The following AMOTL2 variants were observed in gnomAD, a reference collection of about 807,000 sequenced individuals.
AMOTL2 encodes the protein angiomotin-like protein 2.
Under a neutral mutation model 78.4 loss-of-function variants are expected in AMOTL2, and 33 were observed. The observed-to-expected ratio is 0.42, with a 90% CI of 0.32 to 0.56. The LOEUF is 0.56. Ranked by LOEUF, AMOTL2 falls within the 20% of genes least tolerant of loss-of-function variation. AMOTL2 has a pLI of 0.12. For missense variants in AMOTL2, 983 were observed against 1,030.1 expected (o/e 0.95, Z 0.63); for synonymous variants, 422 against 428.8 (o/e 0.98, Z 0.20).
At chr3:134,362,351 G>A (rs956738524) in intron 5 of AMOTL2, among the ~76,000 whole-genome samples, 17 of 152,288 alleles carry the variant, frequency 1.1e-4, no homozygotes, top group African/African-American at 3.8e-4. Context: ...GAGGATTTGG[G>A]ATCCCCAACT....
intron 4 of AMOTL2, 152 bp from the exon 5 acceptor site, chr3:134,366,061 A>C: frequency 9.5e-7 from 1 of 1,054,708 alleles, no homozygotes; most frequent in East Asian, 2.4e-5. Flanking sequence ...CATGGGTGGG[A>C]GCCTCCTCTG....
intron 1 of AMOTL2, among the ~76,000 whole-genome samples, chr3:134,372,530 A>AACACACACACACACAC (rs58443336): frequency 0.044 from 6,412 of 144,328 alleles, 176 homozygotes; most frequent in South Asian, 0.087. Flanking sequence ...TATCCTCCCC[A>AACACACACACACACAC]ACACACACAC....
intron 6 of AMOTL2, among the ~76,000 whole-genome samples, chr3:134,361,238 C>T (rs957620313): frequency 6.6e-6 from 1 of 152,142 alleles, no homozygotes; most frequent in Non-Finnish European, 1.5e-5. Flanking sequence ...AGGTCAAGGA[C>T]AACTAGCCCT....
chr3:134,357,834 T>G (rs1180153733), intron 9 of AMOTL2, 71 bp from the exon 10 acceptor site: 8 of 1,496,532 alleles, frequency 5.3e-6, no homozygotes, highest in Non-Finnish European at 7.5e-6. Flanking sequence ...CCTGGCACAT[T>G]TGAAAGACAA....
chr3:134,368,044 C>A (rs1576584650), intron 2 of AMOTL2, among the ~76,000 whole-genome samples: 2 of 152,166 alleles, frequency 1.3e-5, no homozygotes, highest in East Asian at 3.8e-4. Flanking sequence ...GACAGCAGGG[C>A]TAGAGGGGAT....
chr3:134,367,557 G>T lies in AMOTL2; in HGVS notation c.981C>A (p.Asp327Glu). 5 of 1,613,282 alleles carry T rather than the reference G, an allele frequency of 3.1e-6. No individual in the cohort carries two copies. Among genetic ancestry groups the T allele is most frequent in the Middle Eastern group, 1.8e-4 (1 of 5,418 alleles). Residue 327 changes from aspartate to glutamate, a missense_variant, in exon 3 of 10, where the codon GAC (aspartate) becomes GAA (glutamate). By Grantham distance (45) the Asp-to-Glu change is conservative. Transcript: ENST00000249883. ...CCAGCTCCCTCTGCAGCCGCTCATTGTCTCTCTGCAGCCTGGCATTCTCCC... is the reference window on the plus strand; with the variant it reads ...CCAGCTCCCTCTGCAGCCGCTCATTTTCTCTCTGCAGCCTGGCATTCTCCC... ...VLRENARLQR[D>E]NERLQRELES...
chr3:134,371,643 A>G (rs979574179), intron 1 of AMOTL2, 149 bp from the exon 2 acceptor site: 50 of 1,299,634 alleles, frequency 3.8e-5, no homozygotes, highest in Non-Finnish European at 8.2e-6. Context: ...GCCTGGGTTC[A>G]AGTACCAGTG....
At position 134,371,246 on chromosome 3, in the gene AMOTL2, C is replaced by T. The variant is rs2017848425; in HGVS notation, c.188G>A (p.Ser63Asn). The change falls in exon 2 of 10, where the codon AGT becomes AAT. Residue 63 changes from serine (S) to asparagine (N), a missense_variant. Ser to Asn is a conservative substitution (Grantham distance 46, BLOSUM62 1). Coordinates refer to ENST00000249883, the MANE Select transcript of AMOTL2 (RefSeq NM_016201.4). Reference protein sequence around the residue: ...ASLEILAPEDSQVLQQATRQE... With the variant: ...ASLEILAPEDNQVLQQATRQE... ...CCTGGTGGCCTGCTGCAGCACCTGA[C>T]TGTCCTCTGGGGCCAGGATCTCCAG... is the stretch of plus-strand genomic sequence containing the variant. 6 of 1,613,268 alleles carry T rather than the reference C, an allele frequency of 3.7e-6. No individual in the cohort carries two copies. The highest frequency in any genetic ancestry group is 5.1e-6 in the Non-Finnish European group (6 of 1,180,002).
At chr3:134,372,606 C>T (rs1187769538) in intron 1 of AMOTL2, among the ~76,000 whole-genome samples, 17 of 151,672 alleles carry the variant, frequency 1.1e-4, no homozygotes, top group Non-Finnish European at 2.5e-4. Flanking sequence ...CCTCTAGGCA[C>T]ATAAGGGATG....
At chr3:134,372,379 T>A (rs549841568) in intron 1 of AMOTL2, among the ~76,000 whole-genome samples, 3 of 152,222 alleles carry the variant, frequency 2.0e-5, no homozygotes, top group African/African-American at 7.2e-5. Context: ...ATAAAAATGC[T>A]TCAAGAGGAC....
chr3:134,356,667 C>T lies in AMOTL2; in HGVS notation c.*1038G>A, dbSNP rs530009591. Reference sequence around the variant, plus strand: ...AGACACTTATGCTAACAAGACATCTCCAGTTTCTCAGAAAGAACTGGTACC... The same window carrying T: ...AGACACTTATGCTAACAAGACATCTTCAGTTTCTCAGAAAGAACTGGTACC... On this transcript the variant is annotated 3_prime_UTR_variant, in exon 10 of 10. Coordinates refer to ENST00000249883, the MANE Select transcript of AMOTL2 (RefSeq NM_016201.4). The T allele has an allele frequency of 1.3e-5, 2 of 152,632 alleles. No homozygotes were observed. The highest frequency in any genetic ancestry group is 4.8e-5 in the African/African-American group (2 of 41,440). The allele number at this position is 152,632 out of a possible 1,614,324, so 9.5% of individuals were successfully genotyped here. A position where few individuals can be genotyped will look rare whatever the true frequency, so the allele number is the denominator to read the frequency against.
intron 7 of AMOTL2, 146 bp downstream of exon 7, chr3:134,359,960 A>T (rs1163677197): frequency 2.2e-6 from 2 of 890,440 alleles, no homozygotes; most frequent in Non-Finnish European, 3.3e-6. Context: ...CTGGTGTGCC[A>T]ATCATGCAGG....
upstream of AMOTL2, chr3:134,375,251 C>G (rs992464942): frequency 1.3e-6 from 2 of 1,535,540 alleles, no homozygotes; most frequent in African/African-American, 2.7e-5. Flanking sequence ...AATAGGCGCC[C>G]CTTTACGCAG....
Position 134,366,305 on chromosome 3 carries a change from T to C in AMOTL2, c.1164A>G (p.Gln388=), listed in dbSNP as rs1295374135. The C allele has an allele frequency of 1.2e-6, 2 of 1,614,194 alleles. No homozygotes were observed. The highest frequency in any genetic ancestry group is 2.2e-5 in the East Asian group (1 of 44,874). ...CACCTCTAAGATCCCGGTTGAAGTCTTGCAGCCTCCTCATTTCACTGTCCA... is the reference window on the plus strand; with the variant it reads ...CACCTCTAAGATCCCGGTTGAAGTCCTGCAGCCTCCTCATTTCACTGTCCA... The part of the protein sequence containing the change: ...NKMDSEMRRL[Q]DFNRDLRERL... Residue 388 remains glutamine (Q), a synonymous_variant, in exon 4 of 10, where the codon CAA becomes CAG. Coordinates refer to ENST00000249883, the MANE Select transcript of AMOTL2 (RefSeq NM_016201.4).
rs2017810765 is a variant in AMOTL2 at position 134,370,750 on chromosome 3, G to A, written c.684C>T (p.Asp228=). ...LAHETTTAVT[D]PRYRARGSPH... Reference sequence around the variant, plus strand: ...GGCTGCCGCGGGCACGGTACCGTGGGTCAGTGACAGCAGTGGTGGTCTCAT... The same window carrying A: ...GGCTGCCGCGGGCACGGTACCGTGGATCAGTGACAGCAGTGGTGGTCTCAT... The change falls in exon 2 of 10, where the codon GAC becomes GAT. Residue 228 remains aspartate, a synonymous_variant. Coordinates refer to ENST00000249883, the MANE Select transcript of AMOTL2 (RefSeq NM_016201.4). 3 of 1,515,970 alleles carry A rather than the reference G, an allele frequency of 2.0e-6. No individual in the cohort carries two copies. The highest frequency in any genetic ancestry group is 2.6e-6 in the Non-Finnish European group (3 of 1,132,120). 93.9% of individuals were successfully genotyped at this position (1,515,970 alleles called of 1,614,324 possible).
chr3:134,358,681 G>C lies in AMOTL2; in HGVS notation c.2143C>G (p.Pro715Ala). The change falls in exon 9 of 10, where the codon CCC becomes GCC. Residue 715 changes from proline to alanine, a missense_variant. Transcript: ENST00000249883. ...CCGTGTTTGGCATGGGCAGCAGGGG[G>C]AGCTGTGACCACTGGCTCCTCTGTG... is the stretch of plus-strand genomic sequence containing the variant. ...APTEEPVVTA[P>A]PAAHAKHGSR... 6.2e-7 allele frequency: 1 copy of C among 1,614,186 alleles called. No homozygotes were observed. The highest frequency in any genetic ancestry group is 1.1e-5 in the South Asian group (1 of 91,078).
chr3:134,374,407 C>G lies in AMOTL2; in HGVS notation c.-127G>C, dbSNP rs993491292. The G allele has an allele frequency of 1.0e-6, 1 of 985,214 alleles. No homozygotes were observed. The highest frequency in any genetic ancestry group is 1.7e-5 in the African/African-American group (1 of 57,226). The allele number at this position is 985,214 out of a possible 1,614,324, so 61.0% of individuals were successfully genotyped here. Reference sequence around the variant, plus strand: ...ACCTCCGGCTCGGCCCAGCTCAGCTCGGCGGCGAAGATGTGTTCTCGGCCG... The same window carrying G: ...ACCTCCGGCTCGGCCCAGCTCAGCTGGGCGGCGAAGATGTGTTCTCGGCCG... On this transcript the variant is annotated 5_prime_UTR_variant, in exon 1 of 10. Coordinates refer to ENST00000249883, the MANE Select transcript of AMOTL2 (RefSeq NM_016201.4).
chr3:134,360,473 G>T, intron 6 of AMOTL2, 60 bp from the exon 7 acceptor site: 1 of 1,432,132 alleles, frequency 7.0e-7, no homozygotes, highest in Middle Eastern at 2.2e-4. Flanking sequence ...GGCAGCCACT[G>T]GTCTTCGCCT....
rs765712043 is a variant in AMOTL2 at position 134,360,195 on chromosome 3, G to C, written c.1794C>G (p.Leu598=). 1.9e-6 allele frequency: 3 copies of C among 1,614,134 alleles called. No homozygotes were observed. The highest frequency in any genetic ancestry group is 1.3e-5 in the African/African-American group (1 of 75,062). The change falls in exon 7 of 10, where the codon CTC becomes CTG. Residue 598 remains leucine (L), a synonymous_variant. Transcript: ENST00000249883. ...ATAAAQRDTT[L]IRHSPQPSPS... is the part of the protein sequence containing the mutation. Reference sequence around the variant, plus strand: ...GTGAGGGCTGGGGGGAATGTCGGATGAGAGTGGTGTCACGCTGAGCAGCAG... The same window carrying C: ...GTGAGGGCTGGGGGGAATGTCGGATCAGAGTGGTGTCACGCTGAGCAGCAG...
Sources: gnomAD v4.1 joint callset for allele counts (sites outside exome capture counted in the v4.1 genomes callset) on GRCh38, gnomAD v4.1.1 for gene constraint, MANE v1.5 for transcripts, NCBI Gene and HGNC (gene_info 2026-07-23, HGNC 2026-07-21) for gene names.